Variants in MECOM observed in about 807,000 individuals in gnomAD.
MECOM encodes histone-lysine N-methyltransferase MECOM.
Under a neutral mutation model 116.3 loss-of-function variants are expected in MECOM, and 13 were observed. The observed-to-expected ratio is 0.11, with a 90% CI of 0.07 to 0.18. The LOEUF (loss-of-function observed/expected upper bound fraction) is 0.18. MECOM is among the 10% of genes least tolerant of loss of function. The probability of loss-of-function intolerance (pLI) is 1.00; values close to 1 mark genes in which losing one functional copy is unlikely to be tolerated. For synonymous variants in MECOM, 528 were observed against 535.2 expected (o/e 0.99, Z 0.19); for missense variants, 1,299 against 1,509.0 (o/e 0.86, Z 2.31).
chr3:169,344,107 G>T (rs1357746314), intron 2 of MECOM, among the ~76,000 whole-genome samples: 1 of 152,018 alleles, frequency 6.6e-6, no homozygotes, highest in African/African-American at 2.4e-5. Flanking sequence ...ATTGATCTTT[G>T]TAATGAATAA....
At chr3:169,402,603 C>G (rs1419303630) in intron 1 of MECOM, among the ~76,000 whole-genome samples, 2 of 152,072 alleles carry the variant, frequency 1.3e-5, no homozygotes, top group Non-Finnish European at 2.9e-5. Context: ...TTGCAGTGAG[C>G]CAAGATTGCA....
Position 169,594,154 on chromosome 3 carries a change from CAAAA to C in MECOM, c.37+69178_37+69181del, listed in dbSNP as rs34331048. ...CTCAACGACAACACCACCACCACCA[CAAAA>C]AAAAAAAAAAAAAAAAAACACCTTT... On this transcript the variant is annotated intron_variant, in intron 1 of 16. Coordinates refer to ENST00000651503, the MANE Select transcript of MECOM (RefSeq NM_004991.4). Among the ~76,000 whole-genome samples, 9 of 45,728 alleles carry C rather than the reference CAAAA, an allele frequency of 2.0e-4. 1 individual carries two copies. The highest frequency in any genetic ancestry group is 1.5e-3 in the Admixed American group (7 of 4,788). The allele number at this position is 45,728 out of a possible 152,430, so 30.0% of individuals were successfully genotyped here.
chr3:169,422,516 CTT>C (rs1171703101), intron 1 of MECOM, among the ~76,000 whole-genome samples: 1 of 152,006 alleles, frequency 6.6e-6, no homozygotes, highest in South Asian at 2.1e-4. Context: ...TTCTTTCTTT[CTT>C]TTTTGTTTAC....
chr3:169,647,265 C>T (rs1335193841), intron 1 of MECOM, among the ~76,000 whole-genome samples: 1 of 152,216 alleles, frequency 6.6e-6, no homozygotes, highest in East Asian at 1.9e-4. Flanking sequence ...GTCTCCAGAG[C>T]GCTCATCTCT....
intron 1 of MECOM, among the ~76,000 whole-genome samples, chr3:169,586,894 G>A (rs1158783499): frequency 6.6e-6 from 1 of 152,216 alleles, no homozygotes; most frequent in Non-Finnish European, 1.5e-5. Flanking sequence ...TCAGCAGTTA[G>A]TGCTGGCATA....
At chr3:169,505,129 A>G (rs982827169) in intron 1 of MECOM, among the ~76,000 whole-genome samples, 7 of 152,288 alleles carry the variant, frequency 4.6e-5, no homozygotes, top group Admixed American at 1.3e-4. Context: ...AACTTCCTCT[A>G]TTTATAATCT....
intron 1 of MECOM, among the ~76,000 whole-genome samples, chr3:169,432,934 A>G (rs576079530): frequency 1.6e-4 from 24 of 152,326 alleles, no homozygotes; most frequent in South Asian, 6.2e-4. Flanking sequence ...ACTGTTTACT[A>G]TGTGATTAGA....
intron 2 of MECOM, among the ~76,000 whole-genome samples, chr3:169,380,204 A>G (rs1292149457): frequency 6.6e-6 from 1 of 152,164 alleles, no homozygotes; most frequent in African/African-American, 2.4e-5. Flanking sequence ...AACATACCGA[A>G]ATAAATCCAG....
chr3:169,462,769 G>A (rs1353669490), intron 1 of MECOM, among the ~76,000 whole-genome samples: 1 of 152,050 alleles, frequency 6.6e-6, no homozygotes, highest in African/African-American at 2.4e-5. Context: ...GTCTTTATTT[G>A]TAAATGTATA....
chr3:169,214,719 GATT>G (rs1751206540), intron 2 of MECOM, among the ~76,000 whole-genome samples: 1 of 150,464 alleles, frequency 6.6e-6, no homozygotes. Context: ...CCAACAAACT[GATT>G]ATTATTTTAT....
In MECOM at chr3:169,587,154, A is replaced by C. The variant is rs578235002; in HGVS notation, c.37+76182T>G. ...AAAAGGTGGGGTCAGCATTCCAACC[A>C]ATATTTATTGAGCATCTAATTTTTT... is the stretch of plus-strand genomic sequence containing the variant. On this transcript the variant is annotated intron_variant, in intron 1 of 16. Transcript: ENST00000651503. 5.3e-5 allele frequency among the ~76,000 whole-genome samples: 8 copies of C among 152,218 alleles called. No homozygotes were observed. In the East Asian group the frequency reaches 1.5e-3, roughly 29 times the overall value.
intron 2 of MECOM, among the ~76,000 whole-genome samples, chr3:169,326,595 C>A (rs1293261965): frequency 6.6e-6 from 1 of 152,054 alleles, no homozygotes; most frequent in Non-Finnish European, 1.5e-5. Flanking sequence ...CAGAAATGAC[C>A]GTTCTTTCAT....
chr3:169,504,419 T>C (rs1217803537), intron 1 of MECOM, among the ~76,000 whole-genome samples: 4 of 152,204 alleles, frequency 2.6e-5, no homozygotes, highest in Non-Finnish European at 5.9e-5. Flanking sequence ...TCATTTTTCC[T>C]ACTCAATTAT....
chr3:169,338,441 A>T (rs1006442145), intron 2 of MECOM, among the ~76,000 whole-genome samples: 1 of 152,130 alleles, frequency 6.6e-6, no homozygotes, highest in African/African-American at 2.4e-5. Context: ...ACTGTGCCCC[A>T]AATATCTGGA....
chr3:169,242,817 T>A (rs112685032), intron 2 of MECOM, among the ~76,000 whole-genome samples: 4 of 152,130 alleles, frequency 2.6e-5, no homozygotes, highest in African/African-American at 9.6e-5. Context: ...GAAACAAACC[T>A]ACAATTTTTC....
intron 1 of MECOM, among the ~76,000 whole-genome samples, chr3:169,452,653 C>T (rs948840077): frequency 1.5e-4 from 23 of 152,126 alleles, no homozygotes; most frequent in Admixed American, 1.3e-3. Flanking sequence ...AGTTCTGCGC[C>T]GGCTTCAGAG....
At chr3:169,476,706 A>G (rs901119977) in intron 1 of MECOM, among the ~76,000 whole-genome samples, 1 of 150,862 alleles carries the variant, frequency 6.6e-6, no homozygotes, top group Non-Finnish European at 1.5e-5. Flanking sequence ...CCCTTTACAT[A>G]TTTTTGTGAA....
intron 2 of MECOM, among the ~76,000 whole-genome samples, chr3:169,224,242 C>T (rs899382295): frequency 1.3e-5 from 2 of 152,142 alleles, no homozygotes; most frequent in African/African-American, 2.4e-5. Flanking sequence ...ACCAACAATA[C>T]TGTTACTGTG....
At chr3:169,546,224 C>T (rs1760706756) in intron 1 of MECOM, among the ~76,000 whole-genome samples, 1 of 152,000 alleles carries the variant, frequency 6.6e-6, no homozygotes, top group Non-Finnish European at 1.5e-5. Context: ...CTTCTGCAGT[C>T]GTGGCAATTC....
Sources: gnomAD v4.1 joint callset for allele counts (sites outside exome capture counted in the v4.1 genomes callset) on GRCh38, gnomAD v4.1.1 for gene constraint, MANE v1.5 for transcripts, NCBI Gene and HGNC (gene_info 2026-07-23, HGNC 2026-07-21) for gene names.